The following MYO1H variants were observed in gnomAD, a reference collection of about 807,000 sequenced individuals.
The protein encoded by MYO1H is unconventional myosin-Ih.
A neutral mutation model predicts 149.3 loss-of-function variants in MYO1H; 118 were observed. The observed-to-expected ratio is 0.79, with a 90% CI of 0.68 to 0.92. MYO1H has a LOEUF of 0.92. Ranked by LOEUF, MYO1H falls within the 40% of genes least tolerant of loss-of-function variation. The probability of loss-of-function intolerance (pLI) is 0.00; values close to 1 mark genes in which losing one functional copy is unlikely to be tolerated. For missense variants in MYO1H, 1,212 were observed against 1,280.7 expected, an observed-to-expected ratio of 0.95 and a Z score of 0.82; for synonymous variants, 447 against 465.2, an observed-to-expected ratio of 0.96 and a Z score of 0.50.
chr12:109,354,625 A>G (rs1231865423), intron 1 of MYO1H, among the ~76,000 whole-genome samples: 1 of 148,302 alleles, frequency 6.7e-6, no homozygotes, highest in Non-Finnish European at 1.5e-5. Flanking sequence ...GTCTAAAAAA[A>G]AAAAAAAAAG....
intron 1 of MYO1H, among the ~76,000 whole-genome samples, chr12:109,378,963 A>G (rs1296185844): frequency 6.6e-6 from 1 of 152,206 alleles, no homozygotes; most frequent in African/African-American, 2.4e-5. Flanking sequence ...GATTTAGGTG[A>G]TGGTATACTA....
intron 19 of MYO1H, among the ~76,000 whole-genome samples, chr12:109,429,019 A>C (rs1465456069): frequency 6.6e-6 from 1 of 151,800 alleles, no homozygotes; most frequent in Non-Finnish European, 1.5e-5. Flanking sequence ...GACCAGCCTG[A>C]CCAACATGGT....
chr12:109,351,888 C>T (rs1171114547), intron 1 of MYO1H, among the ~76,000 whole-genome samples: 10 of 152,144 alleles, frequency 6.6e-5, no homozygotes, highest in Admixed American at 6.5e-5. Flanking sequence ...GAAGATTCCA[C>T]GGTGGTTGGA....
At position 109,363,709 on chromosome 12, in the gene MYO1H, T is replaced by C. The variant is rs150136742; in HGVS notation, c.12+15737T>C. On this transcript the variant is annotated intron_variant, in intron 1 of 31. Transcript: ENST00000310903. Reference sequence around the variant, plus strand: ...TCTGGGCAACAAGAGAGAAACTCCGTCTCAAAAAAAAAGAAGAAGACGCGT... The same window carrying C: ...TCTGGGCAACAAGAGAGAAACTCCGCCTCAAAAAAAAAGAAGAAGACGCGT... Among the ~76,000 whole-genome samples, 365 of 149,750 alleles carry C rather than the reference T, an allele frequency of 2.4e-3. 2 individuals are homozygous for C. Among genetic ancestry groups the C allele is most frequent in the African/African-American group, 8.6e-3 (348 of 40,684 alleles).
intron 1 of MYO1H, among the ~76,000 whole-genome samples, chr12:109,368,058 C>T (rs1177376585): frequency 6.6e-6 from 1 of 152,164 alleles, no homozygotes; most frequent in African/African-American, 2.4e-5. Flanking sequence ...TAAGTAAGCT[C>T]TCCAAATTGT....
chr12:109,422,832 G>A (rs1871230794), intron 16 of MYO1H, among the ~76,000 whole-genome samples: 2 of 152,126 alleles, frequency 1.3e-5, no homozygotes, highest in African/African-American at 4.8e-5. Flanking sequence ...CCAGCACTTT[G>A]AAAGTCCGAG....
At chr12:109,335,422 C>T in the MYO1H span, among the ~76,000 whole-genome samples, 1 of 152,146 alleles carries the variant, frequency 6.6e-6, no homozygotes, top group Non-Finnish European at 1.5e-5. Context: ...TCCCATGATT[C>T]AACCATCTCC....
chr12:109,436,591 C>G (rs746190393), intron 22 of MYO1H, 35 bp downstream of exon 22: 1 of 1,469,008 alleles, frequency 6.8e-7, no homozygotes, highest in Non-Finnish European at 9.4e-7. Flanking sequence ...AGTTTGCTCC[C>G]TTTCTCATCT....
chr12:109,447,346 A>AT, exon 32 of MYO1H: 2 of 689,440 alleles, frequency 2.9e-6, no homozygotes, highest in Non-Finnish European at 5.3e-6. Flanking sequence ...CCAAAGCCTA[A>AT]TCCCAGCTCC....
chr12:109,364,171 TAAAAAAA>T (rs746308903), intron 1 of MYO1H, among the ~76,000 whole-genome samples: 57 of 90,290 alleles, frequency 6.3e-4, no homozygotes, highest in Non-Finnish European at 8.7e-4. Context: ...ACCATGTCTT[TAAAAAAA>T]AAAAAAAAAA....
chr12:109,324,487 A>T, the MYO1H span, among the ~76,000 whole-genome samples: 1 of 152,178 alleles, frequency 6.6e-6, no homozygotes, highest in Non-Finnish European at 1.5e-5. Flanking sequence ...TTATTTTATA[A>T]GCTTCCCCCT....
the MYO1H span, among the ~76,000 whole-genome samples, chr12:109,318,965 TG>T: frequency 1.1e-3 from 50 of 44,322 alleles, 1 homozygote; most frequent in African/African-American, 2.7e-3. Flanking sequence ...TCTGCGTTTT[TG>T]GTTTTGTTTT....
chr12:109,445,263 T>C (rs1271206647), intron 30 of MYO1H: 2 of 394,012 alleles, frequency 5.1e-6, no homozygotes, highest in African/African-American at 2.1e-5. Context: ...AGTAGTTCCA[T>C]AGACATCAAC....
chr12:109,376,762 G>T lies in MYO1H; in HGVS notation c.13-11921G>T, dbSNP rs568496408. 2.5e-3 allele frequency among the ~76,000 whole-genome samples: 380 copies of T among 152,320 alleles called. 4 individuals carry two copies. The highest frequency in any genetic ancestry group is 8.7e-3 in the African/African-American group (362 of 41,576). On this transcript the variant is annotated intron_variant, in intron 1 of 31. Transcript: ENST00000310903. ...ACAACAATAAGCTGTTCTGTATACAGATTATCTTGGCTATTCTTGGTCCTT... is the reference window on the plus strand; with the variant it reads ...ACAACAATAAGCTGTTCTGTATACATATTATCTTGGCTATTCTTGGTCCTT...
chr12:109,388,444 A>G lies in MYO1H; in HGVS notation c.13-239A>G, dbSNP rs544922609. Reference sequence around the variant, plus strand: ...AGATCAAATGAAACAGTATAAGTCAAGTGTTTAGAATAGTACCTAGCAGTA... The same window carrying G: ...AGATCAAATGAAACAGTATAAGTCAGGTGTTTAGAATAGTACCTAGCAGTA... On this transcript the variant is annotated intron_variant, in intron 1 of 31. Transcript: ENST00000310903. 5.9e-5 allele frequency among the ~76,000 whole-genome samples: 9 copies of G among 152,318 alleles called. No homozygotes were observed. The South Asian group carries it at 1.9e-3, about 32-fold the overall frequency.
chr12:109,325,182 C>G, the MYO1H span, among the ~76,000 whole-genome samples: 1 of 152,272 alleles, frequency 6.6e-6, no homozygotes, highest in South Asian at 2.1e-4. Context: ...AATAAACATA[C>G]ATGTGCATGT....
intron 1 of MYO1H, among the ~76,000 whole-genome samples, chr12:109,376,713 G>A (rs1006318183): frequency 6.6e-6 from 1 of 152,160 alleles, no homozygotes; most frequent in Non-Finnish European, 1.5e-5. Context: ...GTATGGCTTG[G>A]TAACTAGTAG....
In MYO1H at chr12:109,410,075, AT is replaced by A. The variant is rs199676779; in HGVS notation, c.1329+11del. 1,368 of 1,409,682 alleles carry A rather than the reference AT, an allele frequency of 9.7e-4. 15 individuals are homozygous for A. In the African/African-American group the frequency reaches 0.017, roughly 17 times the overall value. The allele number at this position is 1,409,682 out of a possible 1,614,324, so 87.3% of individuals were successfully genotyped here. A position where few individuals can be genotyped will look rare whatever the true frequency, so the allele number is the denominator to read the frequency against. On this transcript the variant is annotated splice_region_variant and intron_variant, in intron 12 of 31. Transcript: ENST00000310903. ...TGAAATGGAAGGCATAGAGGTAAAC[AT>A]TTTGATGTTTTCTCCTCATCTGATT...
chr12:109,406,980 G>A, intron 9 of MYO1H, 120 bp downstream of exon 9: 3 of 793,406 alleles, frequency 3.8e-6, no homozygotes, highest in East Asian at 5.1e-5. Flanking sequence ...ACCAGGCCCT[G>A]CGTGGTCCAG....
Sources: gnomAD v4.1 joint callset for allele counts (sites outside exome capture counted in the v4.1 genomes callset) on GRCh38, gnomAD v4.1.1 for gene constraint, MANE v1.5 for transcripts, NCBI Gene and HGNC (gene_info 2026-07-23, HGNC 2026-07-21) for gene names.